NEO1: variants seen among roughly 807,000 people sequenced by gnomAD.
NEO1 encodes neogenin 1.
NEO1 carries 63 observed loss-of-function variants against 159.7 expected under a neutral mutation model. That is an observed-to-expected ratio of 0.39 (90% CI 0.32 to 0.49). The LOEUF (loss-of-function observed/expected upper bound fraction) is 0.49, where lower values mean the gene tolerates loss of function less well. Among genes scored for constraint, NEO1 ranks in the 20% least tolerant of loss-of-function variants. The pLI is 0.85. For missense variants in NEO1, 1,615 were observed against 1,831.0 expected (o/e 0.88, Z 2.15); for synonymous variants, 633 against 662.0 (o/e 0.96, Z 0.67).
chr15:73,237,257 C>T (rs1871385), intron 8 of NEO1, among the ~76,000 whole-genome samples: 60,664 of 152,076 alleles, frequency 0.4, 13,733 homozygotes, highest in Admixed American at 0.51. Context: ...GCACATAGAG[C>T]ATTTCCCTTG....
intron 8 of NEO1, among the ~76,000 whole-genome samples, chr15:73,242,418 A>G (rs1392802708): frequency 2.0e-5 from 3 of 152,250 alleles, no homozygotes; most frequent in Admixed American, 2.0e-4. Flanking sequence ...CTATAGTCTC[A>G]GCACTTTGGG....
chr15:73,250,876 T>C (rs2040035214), intron 11 of NEO1, among the ~76,000 whole-genome samples: 1 of 152,194 alleles, frequency 6.6e-6, no homozygotes, highest in Non-Finnish European at 1.5e-5. Flanking sequence ...TAGGCAATAG[T>C]AAATATTAGA....
chr15:73,285,960 A>G (rs1458247017), intron 23 of NEO1, among the ~76,000 whole-genome samples: 1 of 151,956 alleles, frequency 6.6e-6, no homozygotes, highest in Non-Finnish European at 1.5e-5. Flanking sequence ...ACCTGCTGTT[A>G]TTCCTCTCTC....
rs571894627 is a variant in NEO1, at chr15:73,291,766, A to T, written c.3743-1624A>T. ...TAGGCAGGCACATTCACACTGCTTTATTTTTTTTTATTTACTTACCTAGAA... is the reference window on the plus strand; with the variant it reads ...TAGGCAGGCACATTCACACTGCTTTTTTTTTTTTTATTTACTTACCTAGAA... On this transcript the variant is annotated intron_variant, in intron 25 of 28. Coordinates refer to ENST00000261908, the MANE Select transcript of NEO1 (RefSeq NM_002499.4). 4.6e-5 allele frequency among the ~76,000 whole-genome samples: 7 copies of T among 151,668 alleles called. No individual in the cohort carries two copies. The South Asian group carries it at 1.5e-3, about 32-fold the overall frequency.
At chr15:73,148,075 A>C (rs1050474525) in intron 5 of NEO1, among the ~76,000 whole-genome samples, 11 of 152,072 alleles carry the variant, frequency 7.2e-5, no homozygotes, top group Non-Finnish European at 1.6e-4. Flanking sequence ...GGCCTCCCAA[A>C]GTGCTGGGAT....
At chr15:73,102,761 A>G (rs1000166397) in intron 1 of NEO1, among the ~76,000 whole-genome samples, 1 of 151,920 alleles carries the variant, frequency 6.6e-6, no homozygotes, top group Non-Finnish European at 1.5e-5. Flanking sequence ...CAGATTTTAC[A>G]TTTCTCTGCC....
intron 1 of NEO1, among the ~76,000 whole-genome samples, chr15:73,100,449 C>T (rs540943645): frequency 1.3e-5 from 2 of 152,182 alleles, no homozygotes; most frequent in South Asian, 2.1e-4. Context: ...ATTCTCCTGC[C>T]TCAGCCTCTC....
At chr15:73,155,068 A>G (rs539528314) in intron 5 of NEO1, among the ~76,000 whole-genome samples, 21 of 149,826 alleles carry the variant, frequency 1.4e-4, no homozygotes, top group Non-Finnish European at 3.0e-4. Context: ...ACCTTTCATT[A>G]CCACATTTAG....
Position 73,249,140 on chromosome 15 carries a change from G to C in NEO1, c.1687G>C (p.Val563Leu), listed in dbSNP as rs760173069. 6.2e-7 allele frequency: 1 copy of C among 1,614,072 alleles called. No homozygotes were observed. Among genetic ancestry groups the C allele is most frequent in the South Asian group, 1.1e-5 (1 of 91,084 alleles). ...CATCACTGTTACGTGGGAAACACCAGTGTCTGGCAATGGGGAAATTCAGAA... is the reference window on the plus strand; with the variant it reads ...CATCACTGTTACGTGGGAAACACCACTGTCTGGCAATGGGGAAATTCAGAA... Reference protein sequence around the residue: ...TSITVTWETPVSGNGEIQNYK... With the variant: ...TSITVTWETPLSGNGEIQNYK... Residue 563 changes from valine to leucine, a missense_variant, in exon 10 of 29, where the codon GTG (valine) becomes CTG (leucine). By Grantham distance (32) the Val-to-Leu change is conservative. This residue lies in a region of NEO1 where 1,018 missense variants were observed against 1,115.4 expected (regional missense o/e 0.91). Coordinates refer to ENST00000261908, the MANE Select transcript of NEO1 (RefSeq NM_002499.4).
intron 1 of NEO1, among the ~76,000 whole-genome samples, chr15:73,100,131 C>G (rs1349779051): frequency 6.6e-6 from 1 of 152,114 alleles, no homozygotes; most frequent in Admixed American, 6.6e-5. Context: ...CTCTTCCATG[C>G]CATTTCAAAC....
chr15:73,276,409 C>G (rs551268938), intron 21 of NEO1, among the ~76,000 whole-genome samples: 2 of 152,204 alleles, frequency 1.3e-5, no homozygotes, highest in Non-Finnish European at 2.9e-5. Context: ...AAGAGCCTTG[C>G]AGGTGCTAAG....
At chr15:73,236,173 T>C in intron 7 of NEO1, 174 bp from the exon 8 acceptor site, 1 of 824,220 alleles carries the variant, frequency 1.2e-6, no homozygotes. Flanking sequence ...TCATTTTATT[T>C]TATTTCCCAT....
intron 1 of NEO1, among the ~76,000 whole-genome samples, chr15:73,080,819 A>G (rs2069009088): frequency 6.6e-6 from 1 of 152,174 alleles, no homozygotes; most frequent in African/African-American, 2.4e-5. Context: ...GAAGAAGGAC[A>G]GTGGAGGGAA....
At chr15:73,139,221 A>C (rs1347811799) in intron 5 of NEO1, among the ~76,000 whole-genome samples, 1 of 152,136 alleles carries the variant, frequency 6.6e-6, no homozygotes, top group Non-Finnish European at 1.5e-5. Flanking sequence ...TAAAACTACT[A>C]AAAGAAAAGA....
At chr15:73,132,489 C>T (rs887442320) in intron 4 of NEO1, among the ~76,000 whole-genome samples, 2 of 152,122 alleles carry the variant, frequency 1.3e-5, no homozygotes, top group African/African-American at 4.8e-5. Flanking sequence ...GCAAAGACTT[C>T]ATGACCCTGA....
intron 5 of NEO1, among the ~76,000 whole-genome samples, chr15:73,169,128 A>G (rs1298949937): frequency 6.6e-6 from 1 of 152,106 alleles, no homozygotes. Flanking sequence ...TTGGCCCTAT[A>G]TTGTTATTTA....
At chr15:73,134,631 A>G (rs1311316768) in intron 4 of NEO1, among the ~76,000 whole-genome samples, 4 of 151,478 alleles carry the variant, frequency 2.6e-5, no homozygotes, top group African/African-American at 9.7e-5. Context: ...GCTTACTGCA[A>G]CCTCCGCTTC....
rs552716771 is a variant in NEO1 at position 73,121,057 on chromosome 15, G to A, written c.449-1468G>A. Among the ~76,000 whole-genome samples, 323 of 150,766 alleles carry A rather than the reference G, an allele frequency of 2.1e-3. 2 individuals carry two copies. The highest frequency in any genetic ancestry group is 7.4e-3 in the African/African-American group (305 of 41,370). On this transcript the variant is annotated intron_variant, in intron 2 of 28. Coordinates refer to ENST00000261908, the MANE Select transcript of NEO1 (RefSeq NM_002499.4). ...CTGTAACTGCCACCTAAATACCTACGTGTATATTTCTTTGAAACAAGGACA... is the reference window on the plus strand; with the variant it reads ...CTGTAACTGCCACCTAAATACCTACATGTATATTTCTTTGAAACAAGGACA...
intron 9 of NEO1, among the ~76,000 whole-genome samples, chr15:73,246,954 G>GTT (rs1473799288): frequency 6.6e-6 from 1 of 152,200 alleles, no homozygotes; most frequent in Non-Finnish European, 1.5e-5. Context: ...GTAAAGATGA[G>GTT]TAAGACTTGA....
Sources: allele counts gnomAD v4.1 joint callset (sites outside exome capture counted in the v4.1 genomes callset), GRCh38; gene constraint gnomAD v4.1.1; regional missense constraint gnomAD v4.1.1; transcripts MANE v1.5; gene names NCBI Gene and HGNC (gene_info 2026-07-23, HGNC 2026-07-21).